Variants in MCPH1 observed in about 807,000 individuals in gnomAD.
MCPH1 encodes microcephalin.
Under a neutral mutation model 84.5 loss-of-function variants are expected in MCPH1, and 104 were observed. The observed-to-expected ratio is 1.23, with a 90% CI of 1.05 to 1.45. The LOEUF (loss-of-function observed/expected upper bound fraction) is 1.45. Among genes scored for constraint, MCPH1 ranks in the 40% most tolerant of loss-of-function variants. MCPH1 has a pLI of 0.00. For synonymous variants in MCPH1, 514 were observed against 366.8 expected (o/e 1.40, Z -4.58); for missense variants, 1,498 against 1,005.7 (o/e 1.49, Z -6.62).
chr8:6,483,085 A>T (rs1031206123), intron 11 of MCPH1, among the ~76,000 whole-genome samples: 1 of 152,252 alleles, frequency 6.6e-6, no homozygotes, highest in Admixed American at 6.5e-5. Context: ...ATCCAGATGC[A>T]AGAATTCCAT....
intron 12 of MCPH1, among the ~76,000 whole-genome samples, chr8:6,540,450 G>C (rs1265715666): frequency 6.6e-6 from 1 of 152,166 alleles, no homozygotes; most frequent in Non-Finnish European, 1.5e-5. Context: ...CATTTTACAC[G>C]AGTGTCTTTT....
chr8:6,510,870 G>A (rs987790132), intron 12 of MCPH1, among the ~76,000 whole-genome samples: 7 of 152,196 alleles, frequency 4.6e-5, no homozygotes, highest in Admixed American at 6.5e-5. Context: ...CTGGACATGT[G>A]AGTCTCAGTA....
chr8:6,460,205 T>C (rs1267072906), intron 9 of MCPH1, among the ~76,000 whole-genome samples: 1 of 152,082 alleles, frequency 6.6e-6, no homozygotes, highest in Non-Finnish European at 1.5e-5. Context: ...ATAGCCCATG[T>C]CTCATGATTT....
At chr8:6,638,255 G>A (rs1054971590) in intron 13 of MCPH1, among the ~76,000 whole-genome samples, 1 of 152,218 alleles carries the variant, frequency 6.6e-6, no homozygotes, top group Non-Finnish European at 1.5e-5. Flanking sequence ...CAGTGAGGGA[G>A]CTGGGCAATT....
chr8:6,633,543 C>T (rs1407274297), intron 13 of MCPH1, among the ~76,000 whole-genome samples: 1 of 152,156 alleles, frequency 6.6e-6, no homozygotes, highest in Admixed American at 6.6e-5. Flanking sequence ...AATTCCACAC[C>T]TGACCTCATG....
chr8:6,542,239 A>G (rs1563095965), intron 12 of MCPH1, among the ~76,000 whole-genome samples: 1 of 152,156 alleles, frequency 6.6e-6, no homozygotes, highest in Non-Finnish European at 1.5e-5. Context: ...AATCTTATGT[A>G]TATCTGTCTA....
intron 12 of MCPH1, among the ~76,000 whole-genome samples, chr8:6,614,745 T>C (rs371258916): frequency 6.6e-6 from 1 of 152,220 alleles, no homozygotes; most frequent in East Asian, 1.9e-4. Context: ...TGAGCTTTCT[T>C]ACACATGCCT....
At chr8:6,493,569 CAGCT>C (rs1446077581) in intron 11 of MCPH1, among the ~76,000 whole-genome samples, 1 of 152,192 alleles carries the variant, frequency 6.6e-6, no homozygotes, top group African/African-American at 2.4e-5. Flanking sequence ...CTTTATGAGA[CAGCT>C]AGAGCAGTGC....
rs1798225771 is a variant in MCPH1, at chr8:6,646,582, A to C, written c.*3533A>C. ...GGATCCTTACCTCACACCATGCACAAAAATTAGCTCAACGTGGACTATATC... is the reference window on the plus strand; with the variant it reads ...GGATCCTTACCTCACACCATGCACACAAATTAGCTCAACGTGGACTATATC... On this transcript the variant is annotated 3_prime_UTR_variant, in exon 14 of 14. Transcript: ENST00000344683. 6.6e-6 allele frequency: 1 copy of C among 152,228 alleles called. No homozygotes were observed. Among genetic ancestry groups the C allele is most frequent in the African/African-American group, 2.4e-5 (1 of 41,460 alleles). The allele number at this position is 152,228 out of a possible 1,614,324, so 9.4% of individuals were successfully genotyped here.
chr8:6,558,853 A>T (rs555130038), intron 12 of MCPH1, among the ~76,000 whole-genome samples: 1 of 152,298 alleles, frequency 6.6e-6, no homozygotes, highest in Non-Finnish European at 1.5e-5. Flanking sequence ...GTAAACATGT[A>T]TTATATTTTA....
At chr8:6,417,336 T>G (rs919001582) in intron 3 of MCPH1, among the ~76,000 whole-genome samples, 24 of 152,192 alleles carry the variant, frequency 1.6e-4, no homozygotes, top group African/African-American at 5.5e-4. Context: ...ACAGCTCAGC[T>G]CTCTTGTGGT....
intron 2 of MCPH1, among the ~76,000 whole-genome samples, chr8:6,413,276 T>G (rs887282537): frequency 1.3e-5 from 2 of 152,078 alleles, no homozygotes; most frequent in Non-Finnish European, 1.5e-5. Context: ...CACTTATTGT[T>G]TGCATGTGAT....
At chr8:6,452,616 A>G (rs1261882010) in intron 8 of MCPH1, among the ~76,000 whole-genome samples, 1 of 152,208 alleles carries the variant, frequency 6.6e-6, no homozygotes. Flanking sequence ...TTGGAAGATA[A>G]TTAGGTTTAG....
intron 5 of MCPH1, among the ~76,000 whole-genome samples, chr8:6,436,751 C>G (rs1037865294): frequency 6.6e-6 from 1 of 151,580 alleles, no homozygotes; most frequent in South Asian, 2.1e-4. Flanking sequence ...GGGCGGATCA[C>G]GAGGTCAGGA....
intron 12 of MCPH1, among the ~76,000 whole-genome samples, chr8:6,510,587 C>T (rs1814852653): frequency 6.6e-6 from 1 of 152,208 alleles, no homozygotes; most frequent in Non-Finnish European, 1.5e-5. Flanking sequence ...TGGTGGCCGC[C>T]ATCTTTGTTT....
intron 8 of MCPH1, among the ~76,000 whole-genome samples, chr8:6,449,574 G>A (rs535271786): frequency 4.6e-5 from 7 of 151,970 alleles, no homozygotes; most frequent in Non-Finnish European, 5.9e-5. Flanking sequence ...CAGAGGTTGC[G>A]GTGAGCCGAG....
intron 11 of MCPH1, among the ~76,000 whole-genome samples, chr8:6,485,916 G>A (rs932580563): frequency 6.6e-6 from 1 of 152,136 alleles, no homozygotes; most frequent in African/African-American, 2.4e-5. Flanking sequence ...TTCACAGGTT[G>A]CTCCTGACTT....
intron 12 of MCPH1, chr8:6,502,499 G>T (rs896783743): frequency 1.3e-5 from 2 of 152,152 alleles, no homozygotes; most frequent in Non-Finnish European, 2.9e-5. Flanking sequence ...ATGTAAATAC[G>T]CTGTTTTTGA....
At chr8:6,509,161 G>A (rs1254160940) in intron 12 of MCPH1, 2 of 1,455,854 alleles carry the variant, frequency 1.4e-6, no homozygotes, top group East Asian at 2.3e-5. Context: ...ACAGAAGCGT[G>A]TTCTGTACTC....
Sources: allele counts gnomAD v4.1 joint callset (sites outside exome capture counted in the v4.1 genomes callset), GRCh38; gene constraint gnomAD v4.1.1; transcripts MANE v1.5; gene names NCBI Gene and HGNC (gene_info 2026-07-23, HGNC 2026-07-21).